CDH17: variants seen among roughly 807,000 people sequenced by gnomAD.
CDH17 encodes cadherin-17.
CDH17 carries 67 observed loss-of-function variants against 86.3 expected under a neutral mutation model. The observed-to-expected ratio is 0.78, with a 90% CI of 0.64 to 0.95. The LOEUF is 0.95. Ranked by LOEUF, CDH17 falls within the 40% of genes least tolerant of loss-of-function variation. CDH17 has a pLI of 0.00. For missense variants in CDH17, 993 were observed against 1,017.6 expected, an observed-to-expected ratio of 0.98 and a Z score of 0.33; for synonymous variants, 367 against 366.4, an observed-to-expected ratio of 1.00 and a Z score of -0.02.
intron 10 of CDH17, among the ~76,000 whole-genome samples, chr8:94,164,714 G>A (rs1413946899): frequency 1.3e-5 from 2 of 152,144 alleles, no homozygotes; most frequent in African/African-American, 4.8e-5. Context: ...CCTGCCAGCA[G>A]AACAATTACT....
chr8:94,179,259 AC>A (rs1315484249), intron 3 of CDH17, among the ~76,000 whole-genome samples: 2 of 152,134 alleles, frequency 1.3e-5, no homozygotes, highest in African/African-American at 2.4e-5. Context: ...TCTACTTACA[AC>A]ACTTATCTTC....
At position 94,194,820 on chromosome 8, in the gene CDH17, C is replaced by A. The variant is rs189824191; in HGVS notation, c.-20-115G>T. Reference sequence around the variant, plus strand: ...GTTATAAATCTAGTAAAATGGTATCCCAAAAGGCCAGCCTCTCCTCTATAT... The same window carrying A: ...GTTATAAATCTAGTAAAATGGTATCACAAAAGGCCAGCCTCTCCTCTATAT... On this transcript the variant is annotated intron_variant, in intron 1 of 17. Coordinates refer to ENST00000027335, the MANE Select transcript of CDH17 (RefSeq NM_004063.4). 7 of 633,348 alleles carry A rather than the reference C, an allele frequency of 1.1e-5. No individual in the cohort carries two copies. In the East Asian group the frequency reaches 1.9e-4, roughly 17 times the overall value. 39.2% of individuals were successfully genotyped at this position (633,348 alleles called of 1,614,324 possible). A position where few individuals can be genotyped will look rare whatever the true frequency, so the allele number is the denominator to read the frequency against.
chr8:94,146,097 C>G lies in CDH17; in HGVS notation c.1998G>C (p.Arg666Ser). Residue 666 changes from arginine to serine, a missense_variant, in exon 15 of 18, where the codon AGG becomes AGC. Arg to Ser is a moderately radical substitution (Grantham distance 110, BLOSUM62 -1). Coordinates refer to ENST00000027335, the MANE Select transcript of CDH17 (RefSeq NM_004063.4). ...ACAAGCCCGTGTAGTCCTTGGCTAGCCTGGGAGGGTTGTCATTCACATCCA... is the reference window on the plus strand; with the variant it reads ...ACAAGCCCGTGTAGTCCTTGGCTAGGCTGGGAGGGTTGTCATTCACATCCA... ...ILMDVNDNPP[R>S]LAKDYTGLFF... is the part of the protein sequence containing the mutation. The G allele has an allele frequency of 6.2e-7, 1 of 1,612,292 alleles. No homozygotes were observed. Among genetic ancestry groups the G allele is most frequent in the Non-Finnish European group, 8.5e-7 (1 of 1,179,316 alleles).
chr8:94,212,796 A>G (rs538241430), upstream of CDH17, among the ~76,000 whole-genome samples: 1 of 152,348 alleles, frequency 6.6e-6, no homozygotes, highest in South Asian at 2.1e-4. Flanking sequence ...TGCTGGCTCC[A>G]AGCAACTGCC....
chr8:94,157,871 G>A (rs759217353), intron 12 of CDH17, among the ~76,000 whole-genome samples: 1 of 152,210 alleles, frequency 6.6e-6, no homozygotes, highest in Non-Finnish European at 1.5e-5. Flanking sequence ...AGCTATGACT[G>A]CGGCACTGCA....
At position 94,146,129 on chromosome 8, in the gene CDH17, T is replaced by G. The variant is rs768950234; in HGVS notation, c.1966A>C (p.Ile656Leu). The G allele has an allele frequency of 6.2e-7, 1 of 1,606,108 alleles. No homozygotes were observed. ...SLSSVSEFHL[I>L]LMDVNDNPPR... ...GGGTTGTCATTCACATCCATAAGGATCAGGTGGAACTCTGACACAGAGCTC... is the reference window on the plus strand; with the variant it reads ...GGGTTGTCATTCACATCCATAAGGAGCAGGTGGAACTCTGACACAGAGCTC... The change falls in exon 15 of 18, where the codon ATC becomes CTC. Residue 656 changes from isoleucine to leucine, a missense_variant. By Grantham distance (5) the Ile-to-Leu change is conservative. Coordinates refer to ENST00000027335, the MANE Select transcript of CDH17 (RefSeq NM_004063.4).
intron 17 of CDH17, among the ~76,000 whole-genome samples, chr8:94,129,535 T>G (rs1812369639): frequency 6.6e-6 from 1 of 152,052 alleles, no homozygotes; most frequent in Non-Finnish European, 1.5e-5. Context: ...GAGAGAACAA[T>G]CAATAATACT....
At chr8:94,215,160 A>G (rs1200072066) in intron 1 of CDH17, among the ~76,000 whole-genome samples, 1 of 152,216 alleles carries the variant, frequency 6.6e-6, no homozygotes, top group Admixed American at 6.5e-5. Flanking sequence ...CAAGAGAAAT[A>G]AAAACATCAC....
chr8:94,153,605 G>C (rs76502937), intron 12 of CDH17, among the ~76,000 whole-genome samples: 3,440 of 152,042 alleles, frequency 0.023, 127 homozygotes, highest in African/African-American at 0.079. Flanking sequence ...CCTAAGTGTC[G>C]AACAACAAAC....
rs1393796789 is a variant in CDH17, at chr8:94,162,075, C to A, written c.1359+11G>T. The A allele has an allele frequency of 5.5e-6, 8 of 1,467,666 alleles. No homozygotes were observed. Among genetic ancestry groups the A allele is most frequent in the East Asian group, 2.3e-5 (1 of 44,146 alleles). The allele number at this position is 1,467,666 out of a possible 1,614,324, so 90.9% of individuals were successfully genotyped here. A position where few individuals can be genotyped will look rare whatever the true frequency, so the allele number is the denominator to read the frequency against. ...AAAGTAAAGAAAAAACAAATAATGA[C>A]AACTACTCACATCTGATTTTTCAAA... is the stretch of plus-strand genomic sequence containing the variant. On this transcript the variant is annotated intron_variant, in intron 11 of 17. Coordinates refer to ENST00000027335, the MANE Select transcript of CDH17 (RefSeq NM_004063.4).
chr8:94,143,662 CT>C (rs1245378770), intron 15 of CDH17, among the ~76,000 whole-genome samples: 1 of 152,216 alleles, frequency 6.6e-6, no homozygotes, highest in Admixed American at 6.6e-5. Context: ...TTACTTGCTT[CT>C]GCATCAATTT....
intron 1 of CDH17, among the ~76,000 whole-genome samples, chr8:94,204,586 A>G (rs1393752746): frequency 1.3e-5 from 2 of 152,158 alleles, no homozygotes; most frequent in South Asian, 2.1e-4. Context: ...TTGCTATTGT[A>G]AATAGTGCTG....
chr8:94,141,029 T>TAG (rs1251854200), intron 15 of CDH17, among the ~76,000 whole-genome samples: 6 of 151,992 alleles, frequency 3.9e-5, no homozygotes, highest in South Asian at 2.1e-4. Flanking sequence ...AGGCAAAATA[T>TAG]AGAGAGAGAC....
At chr8:94,191,615 A>G (rs59605341) in intron 2 of CDH17, among the ~76,000 whole-genome samples, 55,997 of 151,530 alleles carry the variant, frequency 0.37, 11,369 homozygotes, top group Non-Finnish European at 0.48. Flanking sequence ...ACCATGCCCG[A>G]CTAATTTTTT....
chr8:94,209,531 G>A (rs139698232), upstream of CDH17, among the ~76,000 whole-genome samples: 1,205 of 152,262 alleles, frequency 7.9e-3, 19 homozygotes, highest in African/African-American at 0.026. Context: ...TCATGAGAAG[G>A]TTTCATGAGT....
chr8:94,193,900 G>T (rs542694780), intron 2 of CDH17, among the ~76,000 whole-genome samples: 16 of 150,034 alleles, frequency 1.1e-4, no homozygotes, highest in Non-Finnish European at 2.1e-4. Context: ...AAGAAAGGAA[G>T]TAAGATTTGA....
intron 1 of CDH17, among the ~76,000 whole-genome samples, chr8:94,194,979 T>A (rs1813754700): frequency 6.6e-6 from 1 of 152,202 alleles, no homozygotes; most frequent in African/African-American, 2.4e-5. Flanking sequence ...CATTTCAGCG[T>A]CTTAAATGAT....
At chr8:94,195,529 C>T (rs1384727901) in intron 1 of CDH17, among the ~76,000 whole-genome samples, 1 of 152,086 alleles carries the variant, frequency 6.6e-6, no homozygotes, top group Non-Finnish European at 1.5e-5. Flanking sequence ...CTTACTATTC[C>T]AAAAGAGATC....
At chr8:94,199,091 T>A (rs1383110727) in intron 1 of CDH17, among the ~76,000 whole-genome samples, 50 of 130,496 alleles carry the variant, frequency 3.8e-4, no homozygotes, top group African/African-American at 1.4e-3. Flanking sequence ...ATATTTTTTT[T>A]TTTTTATCAT....
Sources: allele counts gnomAD v4.1 joint callset (sites outside exome capture counted in the v4.1 genomes callset), GRCh38; gene constraint gnomAD v4.1.1; transcripts MANE v1.5; gene names NCBI Gene and HGNC (gene_info 2026-07-23, HGNC 2026-07-21).